Variants in WDR47 observed in about 807,000 individuals in gnomAD.
WDR47 encodes the protein WD repeat-containing protein 47.
A neutral mutation model predicts 97.2 loss-of-function variants in WDR47; 32 were observed. The observed-to-expected ratio is 0.33, with a 90% CI of 0.25 to 0.44. The LOEUF (loss-of-function observed/expected upper bound fraction) is 0.44. Ranked by LOEUF, WDR47 falls within the 20% of genes least tolerant of loss-of-function variation. WDR47 has a pLI of 1.00. For missense variants in WDR47, 782 were observed against 1,102.3 expected (o/e 0.71, Z 4.11); for synonymous variants, 375 against 373.5 (o/e 1.00, Z -0.05).
At chr1:108,972,643 TA>T (rs959834770) in intron 14 of WDR47, among the ~76,000 whole-genome samples, 17 of 151,786 alleles carry the variant, frequency 1.1e-4, no homozygotes, top group African/African-American at 2.9e-4. Context: ...ATAAAGCCCT[TA>T]AAAAAAATGT....
intron 2 of WDR47, among the ~76,000 whole-genome samples, 160 bp downstream of exon 2, chr1:109,023,195 T>G (rs941498878): frequency 2.6e-5 from 4 of 151,958 alleles, no homozygotes; most frequent in Non-Finnish European, 5.9e-5. Flanking sequence ...AGAGCAAGAC[T>G]CCGTCTCAAA....
intron 2 of WDR47, among the ~76,000 whole-genome samples, chr1:109,020,464 G>A (rs1193927179): frequency 4.6e-5 from 7 of 152,038 alleles, no homozygotes; most frequent in East Asian, 1.9e-4. Context: ...GGGTTTCACC[G>A]CATTAGCCAG....
At chr1:109,034,503 C>A (rs1396036478) in intron 1 of WDR47, among the ~76,000 whole-genome samples, 1 of 152,112 alleles carries the variant, frequency 6.6e-6, no homozygotes, top group East Asian at 1.9e-4. Flanking sequence ...GGACACAGAC[C>A]AATACTGATC....
Position 108,986,626 on chromosome 1 carries a change from C to G in WDR47, c.1822G>C (p.Ala608Pro). The G allele has an allele frequency of 1.2e-6, 2 of 1,613,584 alleles. No individual in the cohort carries two copies. Among genetic ancestry groups the G allele is most frequent in the Non-Finnish European group, 1.7e-6 (2 of 1,179,706 alleles). Residue 608 changes from alanine (A) to proline (P), a missense_variant, in exon 10 of 15, where the codon GCT (alanine) becomes CCT (proline). Around this residue, in one of 3 missense-constraint regions of WDR47, gnomAD observed 228 missense variants for 396.7 expected, o/e 0.57. Coordinates refer to ENST00000369962, the MANE Select transcript of WDR47 (RefSeq NM_001142551.2). ...VCINILEDTQAVRAVAFHPAG... is the reference protein window; with the variant it reads ...VCINILEDTQPVRAVAFHPAG... Reference sequence around the variant, plus strand: ...GGATGAAAAGCCACTGCTCTAACAGCTTGTGTGTCTTCTAGGATATTAATA... The same window carrying G: ...GGATGAAAAGCCACTGCTCTAACAGGTTGTGTGTCTTCTAGGATATTAATA...
At chr1:109,031,558 G>A (rs551583787) in intron 1 of WDR47, among the ~76,000 whole-genome samples, 1 of 138,576 alleles carries the variant, frequency 7.2e-6, no homozygotes, top group Admixed American at 7.8e-5. Flanking sequence ...AAATGAATAG[G>A]AATGGGAAGA....
In WDR47 at chr1:109,018,276, C is replaced by T. The variant is rs376841511; in HGVS notation, c.159-675G>A. 4.1e-4 allele frequency among the ~76,000 whole-genome samples: 62 copies of T among 151,738 alleles called. 1 individual carries two copies. The South Asian group carries it at 0.012, about 30-fold the overall frequency. ...CCACCCTGCCCAACATGGCGAAACC[C>T]CGTCTCTACTAAAAGTACGAAAATT... On this transcript the variant is annotated intron_variant, in intron 2 of 14. Transcript: ENST00000369962.
chr1:108,980,166 G>T (rs1292867719), intron 13 of WDR47, among the ~76,000 whole-genome samples: 1 of 151,920 alleles, frequency 6.6e-6, no homozygotes, highest in Non-Finnish European at 1.5e-5. Flanking sequence ...ACTGATTCCT[G>T]GTGGGTGCCA....
chr1:108,978,695 A>G (rs11102735), intron 13 of WDR47, among the ~76,000 whole-genome samples: 16,509 of 152,192 alleles, frequency 0.11, 1,056 homozygotes, highest in African/African-American at 0.16. Context: ...AGCCAGCAAA[A>G]GAATAATACC....
At chr1:109,016,643 G>A (rs1035231385) in intron 3 of WDR47, among the ~76,000 whole-genome samples, 1 of 152,166 alleles carries the variant, frequency 6.6e-6, no homozygotes, top group African/African-American at 2.4e-5. Context: ...CAAGAGGGGA[G>A]AAAGAGTTTG....
intron 1 of WDR47, among the ~76,000 whole-genome samples, chr1:109,029,485 C>CAAAATTAT (rs2102025077): frequency 6.6e-6 from 1 of 152,086 alleles, no homozygotes; most frequent in East Asian, 1.9e-4. Flanking sequence ...CATGATAAAA[C>CAAAATTAT]CCTGTCTCTA....
chr1:109,039,293 G>T (rs1048245170), intron 1 of WDR47, among the ~76,000 whole-genome samples: 1 of 151,228 alleles, frequency 6.6e-6, no homozygotes, highest in Admixed American at 6.6e-5. Flanking sequence ...TCGCTTTGTC[G>T]CCCAGGCTGG....
At chr1:109,018,520 T>G (rs1237037518) in intron 2 of WDR47, among the ~76,000 whole-genome samples, 4 of 151,912 alleles carry the variant, frequency 2.6e-5, no homozygotes, top group African/African-American at 9.7e-5. Flanking sequence ...TATATATTAT[T>G]TTAAGAACAA....
intron 13 of WDR47, among the ~76,000 whole-genome samples, chr1:108,977,528 G>T (rs1479921928): frequency 1.3e-5 from 2 of 152,150 alleles, no homozygotes; most frequent in African/African-American, 2.4e-5. Flanking sequence ...CATGTTTGGT[G>T]TAAGTTTGTC....
chr1:109,033,676 T>C (rs1416179252), intron 1 of WDR47, among the ~76,000 whole-genome samples: 4 of 152,134 alleles, frequency 2.6e-5, no homozygotes, highest in Admixed American at 6.6e-5. Context: ...ATCCCAGCAC[T>C]CTGGGAGGCC....
At chr1:108,982,467 G>A (rs1289528015) in intron 12 of WDR47, 142 bp downstream of exon 12, 3 of 963,946 alleles carry the variant, frequency 3.1e-6, no homozygotes, top group African/African-American at 3.3e-5. Flanking sequence ...AGGAGGTTGA[G>A]GCCGCAGTGA....
chr1:108,994,761 ATTC>A (rs1444160557), intron 8 of WDR47, among the ~76,000 whole-genome samples: 3 of 152,188 alleles, frequency 2.0e-5, no homozygotes, highest in Admixed American at 1.3e-4. Flanking sequence ...TAAAATCTGA[ATTC>A]TTGTTTTGAA....
intron 8 of WDR47, chr1:108,992,164 A>T: frequency 1.5e-6 from 1 of 651,960 alleles, no homozygotes; most frequent in Non-Finnish European, 2.7e-6. Flanking sequence ...AGGAAACAAG[A>T]GCAAGATCTA....
chr1:108,982,468 G>A (rs1012929044), intron 12 of WDR47, 141 bp downstream of exon 12: 2 of 965,166 alleles, frequency 2.1e-6, no homozygotes, highest in African/African-American at 3.3e-5. Flanking sequence ...GGAGGTTGAG[G>A]CCGCAGTGAG....
chr1:108,977,751 C>G (rs1658027946), intron 13 of WDR47, among the ~76,000 whole-genome samples: 1 of 152,050 alleles, frequency 6.6e-6, no homozygotes, highest in South Asian at 2.1e-4. Flanking sequence ...TCGCTTGAAC[C>G]CAGGAGGCAG....
Sources: allele counts gnomAD v4.1 joint callset (sites outside exome capture counted in the v4.1 genomes callset), GRCh38; gene constraint gnomAD v4.1.1; regional missense constraint gnomAD v4.1.1; transcripts MANE v1.5; gene names NCBI Gene and HGNC (gene_info 2026-07-23, HGNC 2026-07-21).